Variants in ASTN2 observed in about 807,000 individuals in gnomAD.
The protein encoded by ASTN2 is astrotactin 2.
Under a neutral mutation model 139.8 loss-of-function variants are expected in ASTN2, and 54 were observed. The ratio of observed to expected loss-of-function variants is 0.39; its 90% CI spans 0.31 to 0.48. The LOEUF (loss-of-function observed/expected upper bound fraction) is 0.48, where lower values mean the gene tolerates loss of function less well. Ranked by LOEUF, ASTN2 falls within the 20% of genes least tolerant of loss-of-function variation. ASTN2 has a pLI of 0.95. For missense variants in ASTN2, 1,565 were observed against 1,725.1 expected (o/e 0.91, Z 1.64); for synonymous variants, 756 against 719.5 (o/e 1.05, Z -0.81).
chr9:117,173,449 C>G (rs1187776303), intron 3 of ASTN2, among the ~76,000 whole-genome samples: 1 of 152,194 alleles, frequency 6.6e-6, no homozygotes, highest in East Asian at 1.9e-4. Context: ...TACAGTGTTT[C>G]TCAAACACAC....
At chr9:116,774,739 A>G (rs1830037293) in intron 13 of ASTN2, among the ~76,000 whole-genome samples, 1 of 152,144 alleles carries the variant, frequency 6.6e-6, no homozygotes, top group Non-Finnish European at 1.5e-5. Flanking sequence ...ATTTACCAAC[A>G]TATCCTTCCC....
At chr9:116,950,186 T>A (rs915166975) in intron 10 of ASTN2, among the ~76,000 whole-genome samples, 21 of 152,152 alleles carry the variant, frequency 1.4e-4, no homozygotes, top group Non-Finnish European at 1.9e-4. Flanking sequence ...CCTTGTAGGA[T>A]GTTTAGCAGC....
intron 3 of ASTN2, among the ~76,000 whole-genome samples, chr9:117,211,429 T>C (rs1054090797): frequency 2.6e-5 from 4 of 152,128 alleles, no homozygotes; most frequent in Non-Finnish European, 5.9e-5. Flanking sequence ...GGATAGTGAG[T>C]GAGTTCTCAC....
intron 2 of ASTN2, among the ~76,000 whole-genome samples, chr9:117,267,661 C>T (rs1016557957): frequency 3.3e-5 from 5 of 152,146 alleles, no homozygotes; most frequent in African/African-American, 4.8e-5. Context: ...AAAATTCCTC[C>T]TCCCAATGGT....
At chr9:116,986,450 T>C (rs1325293624) in intron 7 of ASTN2, among the ~76,000 whole-genome samples, 1 of 152,168 alleles carries the variant, frequency 6.6e-6, no homozygotes, top group Non-Finnish European at 1.5e-5. Context: ...AATACATCAC[T>C]GCACAAGGTG....
intron 12 of ASTN2, among the ~76,000 whole-genome samples, chr9:116,817,891 T>G (rs560352141): frequency 1.3e-5 from 2 of 152,244 alleles, no homozygotes; most frequent in East Asian, 3.9e-4. Flanking sequence ...AGAAATTGAG[T>G]GGCTTGCCAA....
At chr9:116,915,937 G>C (rs1249063122) in intron 10 of ASTN2, among the ~76,000 whole-genome samples, 1 of 152,198 alleles carries the variant, frequency 6.6e-6, no homozygotes, top group Non-Finnish European at 1.5e-5. Flanking sequence ...TTGTAGCCAA[G>C]TCAGAGGGAA....
intron 10 of ASTN2, among the ~76,000 whole-genome samples, chr9:116,894,671 T>C (rs1283034555): frequency 6.6e-6 from 1 of 152,152 alleles, no homozygotes; most frequent in Non-Finnish European, 1.5e-5. Context: ...CCTGGGATCC[T>C]GGGCTCAAGT....
At chr9:116,519,377 T>A (rs1850776653) in intron 19 of ASTN2, among the ~76,000 whole-genome samples, 1 of 151,686 alleles carries the variant, frequency 6.6e-6, no homozygotes, top group African/African-American at 2.4e-5. Flanking sequence ...TGCAAATACA[T>A]GGAAATTAAA....
intron 4 of ASTN2, among the ~76,000 whole-genome samples, chr9:117,112,252 A>G (rs1038087145): frequency 1.3e-5 from 2 of 151,894 alleles, no homozygotes; most frequent in East Asian, 1.9e-4. Context: ...TAATCCCAAC[A>G]AGGTTTTTTT....
intron 6 of ASTN2, among the ~76,000 whole-genome samples, chr9:117,012,248 C>T (rs1837558368): frequency 6.6e-6 from 1 of 152,146 alleles, no homozygotes; most frequent in Non-Finnish European, 1.5e-5. Context: ...CCTTCAGAAC[C>T]TCCCCAGTTC....
chr9:116,966,047 G>A (rs1235832072), intron 10 of ASTN2, among the ~76,000 whole-genome samples: 2 of 152,062 alleles, frequency 1.3e-5, no homozygotes, highest in Admixed American at 1.3e-4. Flanking sequence ...TCAAACCCAG[G>A]TATACTAACC....
intron 13 of ASTN2, among the ~76,000 whole-genome samples, chr9:116,801,227 GT>G (rs999307358): frequency 3.9e-5 from 6 of 152,154 alleles, no homozygotes; most frequent in Admixed American, 6.5e-5. Flanking sequence ...TTTCAGGAAT[GT>G]GAAGGACAAA....
chr9:116,620,002 C>A (rs541832339), intron 18 of ASTN2, among the ~76,000 whole-genome samples: 1 of 152,126 alleles, frequency 6.6e-6, no homozygotes, highest in African/African-American at 2.4e-5. Context: ...CATTGCCCAA[C>A]ACAAGACCTG....
At chr9:117,043,866 C>T (rs1838652825) in intron 5 of ASTN2, among the ~76,000 whole-genome samples, 1 of 148,808 alleles carries the variant, frequency 6.7e-6, no homozygotes, top group Non-Finnish European at 1.5e-5. Flanking sequence ...TGAGATCGCA[C>T]CATTGCACTC....
At chr9:116,824,840 T>G (rs567083456) in intron 11 of ASTN2, among the ~76,000 whole-genome samples, 5 of 152,204 alleles carry the variant, frequency 3.3e-5, no homozygotes, top group Non-Finnish European at 7.3e-5. Context: ...GTTTGAGAGA[T>G]AAATATACAC....
At chr9:116,926,321 G>A (rs1929009) in intron 10 of ASTN2, among the ~76,000 whole-genome samples, 71,009 of 151,932 alleles carry the variant, frequency 0.47, 18,832 homozygotes, top group Non-Finnish European at 0.6. Flanking sequence ...TCCCTTAATC[G>A]TTGCCACCCC....
At chr9:116,802,083 CTTTTTTTTTT>C (rs796156202) in intron 13 of ASTN2, among the ~76,000 whole-genome samples, 2,659 of 121,726 alleles carry the variant, frequency 0.022, 42 homozygotes, top group African/African-American at 0.051. Context: ...TTCTTTCTTT[CTTTTTTTTTT>C]TTTTTTTTTT....
chr9:116,762,290 G>A (rs1829692749), intron 13 of ASTN2, among the ~76,000 whole-genome samples: 1 of 152,190 alleles, frequency 6.6e-6, no homozygotes, highest in Admixed American at 6.5e-5. Flanking sequence ...CTGTGAGCTT[G>A]GAAAATCCCC....
Sources: allele counts gnomAD v4.1 joint callset (sites outside exome capture counted in the v4.1 genomes callset), GRCh38; gene constraint gnomAD v4.1.1; transcripts MANE v1.5; gene names NCBI Gene and HGNC (gene_info 2026-07-23, HGNC 2026-07-21).